Variants in NCAM1 observed in about 807,000 individuals in gnomAD.
NCAM1 encodes the protein neural cell adhesion molecule 1.
Under a neutral mutation model 109.8 loss-of-function variants are expected in NCAM1, and 14 were observed. The observed-to-expected ratio is 0.13, with a 90% CI of 0.08 to 0.20. The LOEUF (loss-of-function observed/expected upper bound fraction) is 0.20, where lower values mean the gene tolerates loss of function less well. NCAM1 is among the 10% of genes least tolerant of loss of function. The pLI, the probability that NCAM1 is intolerant of heterozygous loss-of-function variation, is 1.00. For synonymous variants in NCAM1, 418 were observed against 442.9 expected (o/e 0.94, Z 0.70); for missense variants, 774 against 1,109.9 (o/e 0.70, Z 4.30).
chr11:113,265,184 A>C (rs1555124196), intron 17 of NCAM1: 1 of 984,624 alleles, frequency 1.0e-6, no homozygotes, highest in East Asian at 1.1e-4. Context: ...AAAGGAAATA[A>C]CAGTTCATGT....
At chr11:113,008,085 C>T (rs1408806661) in intron 1 of NCAM1, among the ~76,000 whole-genome samples, 1 of 152,188 alleles carries the variant, frequency 6.6e-6, no homozygotes, top group Admixed American at 6.5e-5. Flanking sequence ...CATCTTACAA[C>T]ACATGGAGAC....
intron 14 of NCAM1, among the ~76,000 whole-genome samples, chr11:113,237,945 T>G (rs61902538): frequency 0.056 from 3,194 of 56,728 alleles, 87 homozygotes; most frequent in Middle Eastern, 0.085. Context: ...TAGATATATA[T>G]ATAGATATAT....
At chr11:112,993,570 A>C (rs926671197) in intron 1 of NCAM1, among the ~76,000 whole-genome samples, 1 of 151,802 alleles carries the variant, frequency 6.6e-6, no homozygotes, top group African/African-American at 2.4e-5. Flanking sequence ...GCATCCCTGT[A>C]CTCCCTTCAG....
chr11:113,207,757 T>C (rs997531335), intron 6 of NCAM1, 76 bp from the exon 7 acceptor site: 1 of 1,460,834 alleles, frequency 6.8e-7, no homozygotes, highest in Admixed American at 2.0e-5. Flanking sequence ...GTCTGCATTC[T>C]ATGGAACCTA....
intron 15 of NCAM1, among the ~76,000 whole-genome samples, chr11:113,247,123 ATAAT>A (rs1425023104): frequency 6.6e-6 from 1 of 152,202 alleles, no homozygotes; most frequent in African/African-American, 2.4e-5. Context: ...CGGTGACAAA[ATAAT>A]TAGTTAATAT....
At position 113,165,590 on chromosome 11, in the gene NCAM1, C is replaced by T. The variant is rs186232270; in HGVS notation, c.53-36789C>T. 7.2e-5 allele frequency among the ~76,000 whole-genome samples: 11 copies of T among 152,222 alleles called. No individual in the cohort carries two copies. The South Asian group carries it at 1.9e-3, about 26-fold the overall frequency. On this transcript the variant is annotated intron_variant, in intron 1 of 19. Transcript: ENST00000316851. ...GGATCTATATAGCCTTTGCTTCCCC[C>T]ACCCCCGATGGGACCATTATGAGAG... is the stretch of plus-strand genomic sequence containing the variant.
intron 1 of NCAM1, among the ~76,000 whole-genome samples, chr11:112,974,421 G>A (rs1950956675): frequency 6.6e-6 from 1 of 152,040 alleles, no homozygotes; most frequent in African/African-American, 2.4e-5. Flanking sequence ...GGGGCTCAGT[G>A]TGGGATGTCA....
rs1400529895 is a variant in NCAM1 at position 113,074,434 on chromosome 11, T to G, written c.52+112770T>G. Among the ~76,000 whole-genome samples, 7 of 152,180 alleles carry G rather than the reference T, an allele frequency of 4.6e-5. No homozygotes were observed. In the East Asian group the frequency reaches 1.3e-3, roughly 29 times the overall value. On this transcript the variant is annotated intron_variant, in intron 1 of 19. Coordinates refer to ENST00000316851, the MANE Select transcript of NCAM1 (RefSeq NM_181351.5). ...GAAGCAACTTGAGTTCTTTATGAGT[T>G]ATGCCTAAAATTAAAATCTTGGGTC... is the stretch of plus-strand genomic sequence containing the variant.
chr11:113,108,470 A>C (rs1222935174), intron 1 of NCAM1, among the ~76,000 whole-genome samples: 1 of 152,156 alleles, frequency 6.6e-6, no homozygotes, highest in South Asian at 2.1e-4. Flanking sequence ...ACCTCTCCAT[A>C]CTTGATTTGC....
chr11:113,275,538 T>A lies in NCAM1; in HGVS notation c.*151T>A, dbSNP rs1591481128. ...TCATTTCTCTAGTGTCTTTTGCCTT[T>A]AAAAAAAACTAAACAGATAAAACAT... On this transcript the variant is annotated 3_prime_UTR_variant, in exon 20 of 20. Transcript: ENST00000316851. 2.8e-5 allele frequency: 27 copies of A among 956,046 alleles called. No individual in the cohort carries two copies. Among genetic ancestry groups the A allele is most frequent in the South Asian group, 6.3e-5 (3 of 47,812 alleles). 59.2% of individuals were successfully genotyped at this position (956,046 alleles called of 1,614,324 possible). A position where few individuals can be genotyped will look rare whatever the true frequency, so the allele number is the denominator to read the frequency against.
At chr11:112,990,006 G>T (rs941447929) in intron 1 of NCAM1, among the ~76,000 whole-genome samples, 2 of 152,142 alleles carry the variant, frequency 1.3e-5, no homozygotes, top group Non-Finnish European at 2.9e-5. Context: ...TTTTAATGGG[G>T]TTGGAGCTGG....
In NCAM1 at chr11:112,983,876, A is replaced by T. The variant is rs530772666; in HGVS notation, c.52+22212A>T. Among the ~76,000 whole-genome samples, 5 of 152,090 alleles carry T rather than the reference A, an allele frequency of 3.3e-5. No homozygotes were observed. In the South Asian group the frequency reaches 1.0e-3, roughly 31 times the overall value. ...TTCATCATCTCACATGGTCACCTTT[A>T]TGTATGTATGTATGTATTTATTTAT... On this transcript the variant is annotated intron_variant, in intron 1 of 19. Coordinates refer to ENST00000316851, the MANE Select transcript of NCAM1 (RefSeq NM_181351.5).
chr11:113,138,656 C>T, intron 1 of NCAM1, among the ~76,000 whole-genome samples: 1 of 152,154 alleles, frequency 6.6e-6, no homozygotes, highest in East Asian at 1.9e-4. Context: ...TGCATAATAA[C>T]ACTCATATTT....
intron 10 of NCAM1, among the ~76,000 whole-genome samples, 182 bp from the exon 11 acceptor site, chr11:113,231,988 C>T (rs1170795375): frequency 6.6e-6 from 1 of 152,134 alleles, no homozygotes; most frequent in Non-Finnish European, 1.5e-5. Context: ...TCTTACAAGC[C>T]TGCTGTGCCC....
chr11:113,009,315 T>TTTTTTTTGTTG (rs1565379614), intron 1 of NCAM1, among the ~76,000 whole-genome samples: 14 of 93,670 alleles, frequency 1.5e-4, no homozygotes, highest in African/African-American at 4.2e-4. Flanking sequence ...TTTTCGGGTT[T>TTTTTTTTGTTG]TTTTTTTTTT....
intron 9 of NCAM1, among the ~76,000 whole-genome samples, chr11:113,229,328 A>G (rs564051406): frequency 3.9e-5 from 6 of 152,382 alleles, no homozygotes; most frequent in East Asian, 1.9e-4. Flanking sequence ...AGACACATGA[A>G]AAAAGGCTCA....
At chr11:113,269,065 C>T (rs1555124774) in intron 17 of NCAM1, among the ~76,000 whole-genome samples, 2 of 152,262 alleles carry the variant, frequency 1.3e-5, no homozygotes, top group African/African-American at 2.4e-5. Context: ...GTTCCCACAT[C>T]GACTTAATGG....
At chr11:113,225,228 A>C (rs1944808032) in intron 9 of NCAM1, among the ~76,000 whole-genome samples, 1 of 152,216 alleles carries the variant, frequency 6.6e-6, no homozygotes, top group South Asian at 2.1e-4. Context: ...TAATACACAG[A>C]AGTCCTTAAA....
intron 1 of NCAM1, among the ~76,000 whole-genome samples, chr11:113,018,823 G>A (rs146564848): frequency 6.6e-6 from 1 of 151,988 alleles, no homozygotes; most frequent in African/African-American, 2.4e-5. Context: ...AAAATTGCTA[G>A]GTGGTTTAGT....
Sources: allele counts gnomAD v4.1 joint callset (sites outside exome capture counted in the v4.1 genomes callset), GRCh38; gene constraint gnomAD v4.1.1; transcripts MANE v1.5; gene names NCBI Gene and HGNC (gene_info 2026-07-23, HGNC 2026-07-21).